The following SGK3 variants were observed in gnomAD, a reference collection of about 807,000 sequenced individuals.
SGK3 encodes serum/glucocorticoid regulated kinase family member 3, also known as serine/threonine-protein kinase Sgk3.
A neutral mutation model predicts 68.5 loss-of-function variants in SGK3; 47 were observed. The observed-to-expected ratio is 0.69, with a 90% confidence interval of 0.54 to 0.87. SGK3 has a LOEUF of 0.87. Ranked by LOEUF, SGK3 falls within the 40% of genes least tolerant of loss-of-function variation. The probability of loss-of-function intolerance (pLI) is 0.00; values close to 1 mark genes in which losing one functional copy is unlikely to be tolerated. For synonymous variants in SGK3, 181 were observed against 189.1 expected (o/e 0.96, Z 0.35); for missense variants, 479 against 575.5 (o/e 0.83, Z 1.72).
chr8:66,740,746 A>C (rs560822563), intron 1 of SGK3, among the ~76,000 whole-genome samples: 134 of 152,186 alleles, frequency 8.8e-4, no homozygotes, highest in Non-Finnish European at 1.1e-3. Context: ...GTCTCTACTG[A>C]AAATATAAAA....
At chr8:66,811,590 T>C (rs1483234355) in intron 4 of SGK3, among the ~76,000 whole-genome samples, 4 of 152,192 alleles carry the variant, frequency 2.6e-5, no homozygotes, top group Non-Finnish European at 4.4e-5. Context: ...GGGCTTTACA[T>C]AGTGATTTTG....
chr8:66,823,702 G>A lies in SGK3; in HGVS notation c.417+1243G>A, dbSNP rs767608423. ...TGAGCTGCTGTGCCTGACCAGTGTT[G>A]TTTTTTAAACTAGATGTGATAGCAA... On this transcript the variant is annotated intron_variant, in intron 6 of 16. Coordinates refer to ENST00000521198, the MANE Select transcript of SGK3 (RefSeq NM_001033578.3). 2.2e-4 allele frequency among the ~76,000 whole-genome samples: 33 copies of A among 147,308 alleles called. No individual in the cohort carries two copies. In the Middle Eastern group the frequency reaches 0.017, roughly 77 times the overall value.
intron 1 of SGK3, among the ~76,000 whole-genome samples, chr8:66,761,307 G>T (rs924281948): frequency 4.6e-5 from 7 of 151,994 alleles, no homozygotes; most frequent in Non-Finnish European, 5.9e-5. Flanking sequence ...TGATTTTTGG[G>T]TTTTTTTGTT....
At chr8:66,794,089 G>A (rs150737993) in intron 2 of SGK3, among the ~76,000 whole-genome samples, 1 of 152,256 alleles carries the variant, frequency 6.6e-6, no homozygotes, top group African/African-American at 2.4e-5. Context: ...AACAGAAAAT[G>A]TGCATGTGCA....
chr8:66,818,369 G>T (rs1296881345), intron 5 of SGK3, among the ~76,000 whole-genome samples: 1 of 152,132 alleles, frequency 6.6e-6, no homozygotes, highest in East Asian at 1.9e-4. Context: ...ACATTTCCTT[G>T]TGTATTTAAG....
intron 1 of SGK3, among the ~76,000 whole-genome samples, chr8:66,779,153 A>G (rs1167515396): frequency 2.6e-5 from 4 of 152,194 alleles, no homozygotes; most frequent in Non-Finnish European, 5.9e-5. Flanking sequence ...GTCCTTCAGA[A>G]AAAGGTGGTA....
At chr8:66,768,273 A>G (rs758619206) in intron 1 of SGK3, among the ~76,000 whole-genome samples, 42 of 152,228 alleles carry the variant, frequency 2.8e-4, no homozygotes, top group Non-Finnish European at 5.1e-4. Flanking sequence ...AAATCAAAAT[A>G]TGTTTAGTTC....
chr8:66,858,644 C>G (rs1210156789), intron 16 of SGK3, among the ~76,000 whole-genome samples: 1 of 152,032 alleles, frequency 6.6e-6, no homozygotes, highest in Non-Finnish European at 1.5e-5. Flanking sequence ...TGTCTCCTCC[C>G]CCAACTCAAA....
intron 16 of SGK3, among the ~76,000 whole-genome samples, chr8:66,852,748 T>G (rs963369059): frequency 6.6e-6 from 1 of 152,224 alleles, no homozygotes; most frequent in Non-Finnish European, 1.5e-5. Context: ...ACTGACTGAC[T>G]TCATGTAGTG....
chr8:66,823,820 TGTAA>T (rs1037537850), intron 6 of SGK3, among the ~76,000 whole-genome samples: 1 of 152,200 alleles, frequency 6.6e-6, no homozygotes, highest in African/African-American at 2.4e-5. Context: ...ATAATTTAAC[TGTAA>T]GTATTATTAT....
At chr8:66,721,173 A>G (rs563716409) in intron 1 of SGK3, among the ~76,000 whole-genome samples, 12 of 152,150 alleles carry the variant, frequency 7.9e-5, no homozygotes, top group Non-Finnish European at 1.6e-4. Context: ...CTCTTCACAT[A>G]CTAAAGCCAC....
chr8:66,846,088 T>A (rs960277031), intron 14 of SGK3, among the ~76,000 whole-genome samples: 1 of 152,180 alleles, frequency 6.6e-6, no homozygotes, highest in African/African-American at 2.4e-5. Context: ...AATTGGGTTT[T>A]TTTTTGTTTT....
chr8:66,859,699 TGAA>T lies in SGK3; in HGVS notation c.*119_*121del. 1 of 1,151,984 alleles carries T rather than the reference TGAA, an allele frequency of 8.7e-7. No individual in the cohort carries two copies. Among genetic ancestry groups the T allele is most frequent in the Non-Finnish European group, 1.1e-6 (1 of 878,536 alleles). The allele number at this position is 1,151,984 out of a possible 1,614,324, so 71.4% of individuals were successfully genotyped here. A position where few individuals can be genotyped will look rare whatever the true frequency, so the allele number is the denominator to read the frequency against. On this transcript the variant is annotated 3_prime_UTR_variant, in exon 17 of 17. Transcript: ENST00000521198. ...AGTGCCTCATTTTTATATGTAATGA[TGAA>T]AACTATGAAAAAATGTATTTTCTTC...
intron 2 of SGK3, among the ~76,000 whole-genome samples, chr8:66,796,464 C>T (rs553553068): frequency 1.3e-4 from 19 of 150,770 alleles, no homozygotes; most frequent in Admixed American, 6.0e-4. Flanking sequence ...CACACCCAGC[C>T]TGAATTTAAA....
intron 1 of SGK3, among the ~76,000 whole-genome samples, chr8:66,723,636 G>A (rs1330378262): frequency 6.6e-6 from 1 of 152,008 alleles, no homozygotes; most frequent in Non-Finnish European, 1.5e-5. Context: ...GTAGAGATGG[G>A]ATCTCACCAT....
At chr8:66,858,598 C>T (rs910955965) in intron 16 of SGK3, among the ~76,000 whole-genome samples, 2 of 151,970 alleles carry the variant, frequency 1.3e-5, no homozygotes, top group African/African-American at 4.8e-5. Context: ...TTTAAATTAA[C>T]AATGAATCTC....
At chr8:66,854,467 C>T (rs1245954210) in intron 16 of SGK3, among the ~76,000 whole-genome samples, 3 of 152,132 alleles carry the variant, frequency 2.0e-5, no homozygotes, top group African/African-American at 7.2e-5. Flanking sequence ...AGTGGCTTGG[C>T]CATGCTCCAA....
At chr8:66,804,484 T>G (rs1433545221) in intron 4 of SGK3, 37 bp downstream of exon 4, 1 of 1,598,428 alleles carries the variant, frequency 6.3e-7, no homozygotes, top group Non-Finnish European at 8.5e-7. Context: ...ATGAAGTGAT[T>G]GTTGAAGTTT....
intron 16 of SGK3, among the ~76,000 whole-genome samples, chr8:66,855,719 AAAT>A (rs1810482859): frequency 6.6e-6 from 1 of 152,200 alleles, no homozygotes; most frequent in Non-Finnish European, 1.5e-5. Context: ...AAAGAAATAC[AAAT>A]AGCTTTCAAT....
Sources: allele counts gnomAD v4.1 joint callset (sites outside exome capture counted in the v4.1 genomes callset), GRCh38; gene constraint gnomAD v4.1.1; transcripts MANE v1.5; gene names NCBI Gene and HGNC (gene_info 2026-07-23, HGNC 2026-07-21).